The following GABRB2 variants were observed in gnomAD, a reference collection of about 807,000 sequenced individuals.
The protein encoded by GABRB2 is gamma-aminobutyric acid receptor subunit beta-2.
In GABRB2, 16 loss-of-function variants were observed where a neutral mutation model predicts 54.7. The observed-to-expected ratio is 0.29, with a 90% CI of 0.20 to 0.44. GABRB2 has a LOEUF of 0.44. Among genes scored for constraint, GABRB2 ranks in the 20% least tolerant of loss-of-function variants. GABRB2 has a pLI of 1.00. For missense variants in GABRB2, 355 were observed against 644.0 expected (o/e 0.55, Z 4.86); for synonymous variants, 244 against 233.8 (o/e 1.04, Z -0.40).
chr5:161,384,596 A>G (rs953689868), intron 5 of GABRB2, among the ~76,000 whole-genome samples: 2 of 152,186 alleles, frequency 1.3e-5, no homozygotes, highest in African/African-American at 2.4e-5. Flanking sequence ...TTTAATAAGG[A>G]TAAGAGATGG....
intron 4 of GABRB2, among the ~76,000 whole-genome samples, chr5:161,413,064 C>T (rs1394335970): frequency 6.6e-6 from 1 of 152,052 alleles, no homozygotes; most frequent in Non-Finnish European, 1.5e-5. Flanking sequence ...CACTGCACTC[C>T]CTTATTTATG....
Position 161,501,431 on chromosome 5 carries a change from T to G in GABRB2, c.238-41587A>C, listed in dbSNP as rs1365487481. Among the ~76,000 whole-genome samples the G allele has an allele frequency of 3.3e-5, 5 of 152,264 alleles. No individual in the cohort carries two copies. The East Asian group carries it at 9.6e-4, about 29-fold the overall frequency. On this transcript the variant is annotated intron_variant, in intron 3 of 9. Transcript: ENST00000393959. ...TTTTATATAGCAGTATTCTTTTGAG[T>G]GCTTTATTTTTGAAGTTGTTAACTA...
chr5:161,536,280 A>T (rs185869905), intron 3 of GABRB2, among the ~76,000 whole-genome samples: 1 of 152,146 alleles, frequency 6.6e-6, no homozygotes, highest in Admixed American at 6.5e-5. Context: ...CGGAAGGGGG[A>T]TGAGAGGAGA....
intron 3 of GABRB2, among the ~76,000 whole-genome samples, chr5:161,496,387 C>A (rs374004394): frequency 6.6e-6 from 1 of 151,688 alleles, no homozygotes; most frequent in Admixed American, 6.6e-5. Flanking sequence ...AATTAAAATG[C>A]GGTTTATTGA....
chr5:161,347,637 C>T (rs1285740855), intron 5 of GABRB2, among the ~76,000 whole-genome samples: 1 of 152,078 alleles, frequency 6.6e-6, no homozygotes, highest in East Asian at 1.9e-4. Flanking sequence ...GCTAGCCAGA[C>T]AGTCTTCAGC....
intron 5 of GABRB2, among the ~76,000 whole-genome samples, chr5:161,370,877 A>G (rs889769997): frequency 1.3e-5 from 2 of 152,148 alleles, no homozygotes; most frequent in African/African-American, 4.8e-5. Flanking sequence ...TGAACAAGTA[A>G]CCCCAGACTT....
chr5:161,322,062 C>G (rs946528526), intron 9 of GABRB2, among the ~76,000 whole-genome samples: 1 of 152,058 alleles, frequency 6.6e-6, no homozygotes, highest in Non-Finnish European at 1.5e-5. Flanking sequence ...GTCATATTTT[C>G]TGTTCAACCA....
intron 4 of GABRB2, among the ~76,000 whole-genome samples, chr5:161,431,127 G>A (rs1452275668): frequency 6.6e-6 from 1 of 152,114 alleles, no homozygotes; most frequent in African/African-American, 2.4e-5. Context: ...TGTGACACTA[G>A]TATTTTATTA....
intron 3 of GABRB2, among the ~76,000 whole-genome samples, chr5:161,494,515 G>T (rs1240290426): frequency 6.7e-6 from 1 of 148,516 alleles, no homozygotes. Context: ...AAGGCAGTGG[G>T]AATATATTTA....
chr5:161,494,338 T>G (rs1418174659), intron 3 of GABRB2, among the ~76,000 whole-genome samples: 1 of 151,848 alleles, frequency 6.6e-6, no homozygotes, highest in African/African-American at 2.4e-5. Flanking sequence ...AAAAGAAGAA[T>G]TTAAGAATGC....
chr5:161,423,385 C>A (rs1288790734), intron 4 of GABRB2, among the ~76,000 whole-genome samples: 1 of 152,082 alleles, frequency 6.6e-6, no homozygotes, highest in East Asian at 1.9e-4. Flanking sequence ...TTGTGGTAAC[C>A]ATGTGTCAAG....
intron 3 of GABRB2, among the ~76,000 whole-genome samples, chr5:161,522,407 A>C (rs1033091971): frequency 6.6e-6 from 1 of 151,778 alleles, no homozygotes; most frequent in African/African-American, 2.4e-5. Context: ...AGCACTACAG[A>C]GTTAGCAATG....
intron 5 of GABRB2, among the ~76,000 whole-genome samples, chr5:161,383,187 A>C (rs1343497415): frequency 1.3e-5 from 2 of 152,160 alleles, no homozygotes. Flanking sequence ...ATCACTAACC[A>C]TGCTGTACAT....
rs55690630 is a variant in GABRB2 at position 161,328,583 on chromosome 5, A to G, written c.1078-2102T>C. 2.3e-3 allele frequency among the ~76,000 whole-genome samples: 350 copies of G among 152,318 alleles called. 2 individuals carry two copies. The highest frequency in any genetic ancestry group is 7.0e-3 in the African/African-American group (293 of 41,578). On this transcript the variant is annotated intron_variant, in intron 8 of 9. Transcript: ENST00000393959. ...AAAGACTCTAAAATATTTGTTCAGA[A>G]CCATTGTTCTAAACCATGACTCATG...
intron 5 of GABRB2, among the ~76,000 whole-genome samples, chr5:161,364,596 T>C (rs887991236): frequency 5.9e-5 from 9 of 152,218 alleles, no homozygotes; most frequent in Non-Finnish European, 1.3e-4. Context: ...CATTTCATAT[T>C]TGGTTGTACT....
intron 3 of GABRB2, among the ~76,000 whole-genome samples, chr5:161,533,501 T>A (rs1294847205): frequency 1.3e-5 from 2 of 152,136 alleles, no homozygotes; most frequent in African/African-American, 4.8e-5. Flanking sequence ...TAGAGTCATA[T>A]AAAGCTTAAA....
intron 9 of GABRB2, among the ~76,000 whole-genome samples, chr5:161,309,797 A>AT (rs58613303): frequency 0.068 from 10,286 of 151,682 alleles, 538 homozygotes; most frequent in Admixed American, 0.16. Context: ...TGCCCAACTA[A>AT]TTTTTTTGTA....
chr5:161,481,016 T>C (rs551259222), intron 3 of GABRB2, among the ~76,000 whole-genome samples: 1 of 152,176 alleles, frequency 6.6e-6, no homozygotes, highest in African/African-American at 2.4e-5. Context: ...GAAAAACTCA[T>C]ATGAACACTA....
chr5:161,309,894 G>A (rs1444924475), intron 9 of GABRB2, among the ~76,000 whole-genome samples: 1 of 152,104 alleles, frequency 6.6e-6, no homozygotes, highest in African/African-American at 2.4e-5. Flanking sequence ...GCCTCCCAAA[G>A]TGCTGGGATT....
Sources: allele counts gnomAD v4.1 joint callset (sites outside exome capture counted in the v4.1 genomes callset), GRCh38; gene constraint gnomAD v4.1.1; transcripts MANE v1.5; gene names NCBI Gene and HGNC (gene_info 2026-07-23, HGNC 2026-07-21).